The following B4GALT6 variants were observed in gnomAD, a reference collection of about 807,000 sequenced individuals.
B4GALT6 encodes beta-1,4-galactosyltransferase 6.
B4GALT6 carries 14 observed loss-of-function variants against 46.3 expected under a neutral mutation model. The observed-to-expected ratio is 0.30, with a 90% CI of 0.20 to 0.47. The LOEUF is 0.47. B4GALT6 is among the 20% of genes least tolerant of loss of function. The probability of loss-of-function intolerance (pLI) is 0.99; values close to 1 mark genes in which losing one functional copy is unlikely to be tolerated. For synonymous variants in B4GALT6, 168 were observed against 162.0 expected (o/e 1.04, Z -0.28); for missense variants, 386 against 480.1 (o/e 0.80, Z 1.83).
At chr18:31,716,837 C>T in the B4GALT6 span, among the ~76,000 whole-genome samples, 1 of 152,330 alleles carries the variant, frequency 6.6e-6, no homozygotes, top group African/African-American at 2.4e-5. Context: ...GTGCCACTCA[C>T]GCCTGTAATC....
intron 1 of B4GALT6, 70 bp downstream of exon 1, chr18:31,684,242 T>G: frequency 1.3e-6 from 2 of 1,598,576 alleles, no homozygotes; most frequent in Middle Eastern, 3.4e-4. Context: ...ATCCCAGAAG[T>G]AACATCGGAT....
At chr18:31,645,302 T>C (rs1187851837) in intron 4 of B4GALT6, 53 bp downstream of exon 4, 1 of 1,601,730 alleles carries the variant, frequency 6.2e-7, no homozygotes, top group Non-Finnish European at 8.5e-7. Flanking sequence ...AGCACATTCT[T>C]TCCTCAAATG....
chr18:31,647,408 T>G (rs947215330), intron 3 of B4GALT6, among the ~76,000 whole-genome samples: 1 of 152,190 alleles, frequency 6.6e-6, no homozygotes, highest in Non-Finnish European at 1.5e-5. Flanking sequence ...GAGGGCTTCC[T>G]CTGTCCATCA....
intron 1 of B4GALT6, among the ~76,000 whole-genome samples, chr18:31,680,363 G>A (rs1426375000): frequency 6.6e-6 from 1 of 152,138 alleles, no homozygotes; most frequent in Non-Finnish European, 1.5e-5. Flanking sequence ...CTGAGGAAAG[G>A]ACCTAAGATA....
the B4GALT6 span, among the ~76,000 whole-genome samples, chr18:31,702,657 C>A: frequency 6.6e-6 from 1 of 151,996 alleles, no homozygotes; most frequent in South Asian, 2.1e-4. Flanking sequence ...ACTGTAACCA[C>A]AAAAAGGCCT....
chr18:31,634,314 G>T (rs780451127), intron 5 of B4GALT6, among the ~76,000 whole-genome samples: 7 of 152,186 alleles, frequency 4.6e-5, no homozygotes, highest in Non-Finnish European at 1.0e-4. Flanking sequence ...GTAATGACCT[G>T]GCAGTACAAG....
At chr18:31,675,748 G>C (rs1365179779) in intron 1 of B4GALT6, among the ~76,000 whole-genome samples, 1 of 152,050 alleles carries the variant, frequency 6.6e-6, no homozygotes, top group Non-Finnish European at 1.5e-5. Context: ...TGACATTACA[G>C]ACTAAAAGAC....
chr18:31,624,620 TCTTTTAAAAAAACTGA>T lies in B4GALT6; in HGVS notation c.*978_*993del, dbSNP rs1182779175. On this transcript the variant is annotated 3_prime_UTR_variant, in exon 9 of 9. Transcript: ENST00000306851. ...TATTGGGTTTTCTTCCATAGATCAT[TCTTTTAAAAAAACTGA>T]CTTGATTTCTTTTTAAATGAAGATA... 6.6e-6 allele frequency: 1 copy of T among 152,074 alleles called. No homozygotes were observed. Among genetic ancestry groups the T allele is most frequent in the Non-Finnish European group, 1.5e-5 (1 of 67,956 alleles). The allele number at this position is 152,074 out of a possible 1,614,324, so 9.4% of individuals were successfully genotyped here.
chr18:31,631,210 T>C, intron 5 of B4GALT6, 64 bp from the exon 6 acceptor site: 1 of 1,465,540 alleles, frequency 6.8e-7, no homozygotes, highest in Non-Finnish European at 9.1e-7. Flanking sequence ...CTTTTTTTTT[T>C]TTTTTCTTTT....
the B4GALT6 span, among the ~76,000 whole-genome samples, chr18:31,712,292 T>C: frequency 4.1e-5 from 1 of 24,440 alleles, no homozygotes; most frequent in African/African-American, 7.6e-5. Flanking sequence ...ACGTTATTTT[T>C]TTTTTTTTTT....
At chr18:31,688,026 G>A (rs2029986257), upstream of B4GALT6, among the ~76,000 whole-genome samples, 1 of 151,862 alleles carries the variant, frequency 6.6e-6, no homozygotes, top group African/African-American at 2.4e-5. Context: ...TCTCTTTTAT[G>A]GTAGCTAAAG....
rs72922998 is a variant in B4GALT6, at chr18:31,659,053, G to A, written c.233-964C>T. Among the ~76,000 whole-genome samples the A allele has an allele frequency of 4.1e-3, 622 of 152,260 alleles. 4 individuals are homozygous for A. The highest frequency in any genetic ancestry group is 6.4e-3 in the Non-Finnish European group (437 of 68,028). ...CTGCTATGTAGGGAAGCTGGCCTAA[G>A]AGAATGACATCAACATGCAATGAGT... On this transcript the variant is annotated intron_variant, in intron 2 of 8. Transcript: ENST00000306851.
chr18:31,713,096 T>C, the B4GALT6 span, among the ~76,000 whole-genome samples: 1 of 152,216 alleles, frequency 6.6e-6, no homozygotes. Context: ...CCCATGCTTG[T>C]AATCCCAGCA....
At chr18:31,626,437 G>A (rs997117531) in intron 7 of B4GALT6, 53 bp from the exon 8 acceptor site, 3 of 1,023,346 alleles carry the variant, frequency 2.9e-6, no homozygotes, top group African/African-American at 3.3e-5. Context: ...TATGAAAATG[G>A]GTTATGTGAG....
chr18:31,630,079 G>A (rs1299412013), intron 6 of B4GALT6, among the ~76,000 whole-genome samples: 23 of 135,880 alleles, frequency 1.7e-4, no homozygotes, highest in African/African-American at 5.2e-4. Context: ...GAAGGGGAGC[G>A]GAAGCGGGGA....
chr18:31,631,682 G>T (rs573566861), intron 5 of B4GALT6, among the ~76,000 whole-genome samples: 1 of 152,182 alleles, frequency 6.6e-6, no homozygotes, highest in African/African-American at 2.4e-5. Flanking sequence ...ATGCTGTCAA[G>T]ACTAAGAGAA....
intron 1 of B4GALT6, 63 bp from the exon 2 acceptor site, chr18:31,666,435 T>A: frequency 1.4e-6 from 1 of 729,830 alleles, no homozygotes; most frequent in Non-Finnish European, 2.1e-6. Context: ...TTTAATAAAA[T>A]AATATTCAGA....
the B4GALT6 span, among the ~76,000 whole-genome samples, chr18:31,703,707 T>TTGAGCA: frequency 6.6e-6 from 1 of 152,206 alleles, no homozygotes; most frequent in Non-Finnish European, 1.5e-5. Context: ...AGCTGATGCT[T>TTGAGCA]TGAGCATGTC....
At chr18:31,659,969 T>C (rs76568078) in intron 2 of B4GALT6, among the ~76,000 whole-genome samples, 55 of 149,430 alleles carry the variant, frequency 3.7e-4, no homozygotes, top group African/African-American at 1.4e-3. Context: ...TTTTTTTTTT[T>C]TGAGACAGGA....
Sources: allele counts gnomAD v4.1 joint callset (sites outside exome capture counted in the v4.1 genomes callset), GRCh38; gene constraint gnomAD v4.1.1; transcripts MANE v1.5; gene names NCBI Gene and HGNC (gene_info 2026-07-23, HGNC 2026-07-21).